The following AK5 variants were observed in gnomAD, a reference collection of about 807,000 sequenced individuals.
AK5 encodes adenylate kinase isoenzyme 5.
Under a neutral mutation model 69.5 loss-of-function variants are expected in AK5, and 27 were observed. That is an observed-to-expected ratio of 0.39 (90% CI 0.29 to 0.54). The LOEUF is 0.54. AK5 is among the 20% of genes least tolerant of loss of function. The probability of loss-of-function intolerance (pLI) is 0.71; values close to 1 mark genes in which losing one functional copy is unlikely to be tolerated. For missense variants in AK5, 531 were observed against 700.4 expected, an observed-to-expected ratio of 0.76 and a Z score of 2.73; for synonymous variants, 260 against 244.4, an observed-to-expected ratio of 1.06 and a Z score of -0.60.
At chr1:77,291,607 T>C (rs1658689787) in intron 2 of AK5, among the ~76,000 whole-genome samples, 1 of 152,142 alleles carries the variant, frequency 6.6e-6, no homozygotes, top group Non-Finnish European at 1.5e-5. Context: ...ACCCATTTTA[T>C]CTTCTGAGTT....
chr1:77,551,950 T>A (rs1222888317), intron 13 of AK5, among the ~76,000 whole-genome samples: 1 of 152,210 alleles, frequency 6.6e-6, no homozygotes, highest in Non-Finnish European at 1.5e-5. Flanking sequence ...TAGCTGGATG[T>A]TGACAAAGGT....
At chr1:77,337,301 G>A (rs912493654) in intron 5 of AK5, among the ~76,000 whole-genome samples, 2 of 152,148 alleles carry the variant, frequency 1.3e-5, no homozygotes, top group African/African-American at 2.4e-5. Context: ...CAAGCAAAGA[G>A]AAGCACTTAC....
chr1:77,510,594 T>C (rs964696371), intron 10 of AK5, among the ~76,000 whole-genome samples: 2 of 151,684 alleles, frequency 1.3e-5, no homozygotes, highest in Non-Finnish European at 2.9e-5. Context: ...ATATTTTCAT[T>C]TGGACTAGGG....
At chr1:77,398,545 G>T (rs1004459222) in intron 6 of AK5, among the ~76,000 whole-genome samples, 1 of 152,110 alleles carries the variant, frequency 6.6e-6, no homozygotes, top group South Asian at 2.1e-4. Context: ...AGGGGAAAAG[G>T]GTATGTTAAT....
intron 13 of AK5, among the ~76,000 whole-genome samples, chr1:77,553,433 C>T (rs571022841): frequency 1.4e-4 from 22 of 152,344 alleles, no homozygotes; most frequent in African/African-American, 5.1e-4. Flanking sequence ...TCCCACTACA[C>T]ATGTGCCTCA....
intron 8 of AK5, among the ~76,000 whole-genome samples, chr1:77,433,528 C>G: frequency 6.6e-6 from 1 of 152,124 alleles, no homozygotes; most frequent in East Asian, 1.9e-4. Context: ...ACCAATGTTT[C>G]CACTTGTATC....
intron 8 of AK5, among the ~76,000 whole-genome samples, chr1:77,456,943 G>A (rs1462566645): frequency 6.7e-6 from 1 of 150,354 alleles, no homozygotes; most frequent in African/African-American, 2.4e-5. Flanking sequence ...AAAAGTCAAT[G>A]GGAGGTACAT....
chr1:77,287,832 A>C (rs3921995), intron 2 of AK5, among the ~76,000 whole-genome samples: 6 of 152,160 alleles, frequency 3.9e-5, no homozygotes, highest in Admixed American at 3.9e-4. Context: ...CAGTTTGAAC[A>C]CTCAGCAGTG....
intron 13 of AK5, among the ~76,000 whole-genome samples, chr1:77,541,917 G>A (rs2100373457): frequency 6.6e-6 from 1 of 152,308 alleles, no homozygotes; most frequent in East Asian, 1.9e-4. Flanking sequence ...CAGGCAGCTG[G>A]GGTCACAGGG....
chr1:77,321,965 A>G (rs578230643), intron 5 of AK5, among the ~76,000 whole-genome samples: 163 of 152,348 alleles, frequency 1.1e-3, no homozygotes, highest in Middle Eastern at 3.4e-3. Context: ...TTTACTAATC[A>G]ATTGTATTTC....
At chr1:77,444,456 C>T (rs374574497) in intron 8 of AK5, among the ~76,000 whole-genome samples, 3,187 of 13,804 alleles carry the variant, frequency 0.23, 118 homozygotes, top group South Asian at 0.35. Flanking sequence ...ATAGTATATA[C>T]ATAGTATAAA....
intron 10 of AK5, among the ~76,000 whole-genome samples, chr1:77,512,225 A>G (rs536406202): frequency 6.6e-6 from 1 of 152,274 alleles, no homozygotes; most frequent in East Asian, 1.9e-4. Flanking sequence ...TCACATATAT[A>G]CGTATGTGTG....
chr1:77,392,230 T>C (rs1484387293), intron 6 of AK5, among the ~76,000 whole-genome samples: 1 of 152,250 alleles, frequency 6.6e-6, no homozygotes, highest in Non-Finnish European at 1.5e-5. Context: ...TTAAAATGGA[T>C]GTTAATTTTT....
intron 9 of AK5, among the ~76,000 whole-genome samples, chr1:77,485,813 G>A (rs1655552260): frequency 6.6e-6 from 1 of 152,164 alleles, no homozygotes; most frequent in South Asian, 2.1e-4. Context: ...CATTACCGGG[G>A]TGGGGGAATA....
intron 8 of AK5, among the ~76,000 whole-genome samples, chr1:77,440,949 A>T (rs540695647): frequency 6.6e-6 from 1 of 152,116 alleles, no homozygotes; most frequent in African/African-American, 2.4e-5. Context: ...GGGTTTCGCC[A>T]TGTTGGCCAG....
At chr1:77,306,071 T>C (rs1399210746) in intron 5 of AK5, among the ~76,000 whole-genome samples, 2 of 152,142 alleles carry the variant, frequency 1.3e-5, no homozygotes, top group East Asian at 3.9e-4. Flanking sequence ...CCTAGGTATT[T>C]AATTTTATGT....
chr1:77,503,944 G>C (rs1557640927), intron 10 of AK5, among the ~76,000 whole-genome samples: 1 of 151,328 alleles, frequency 6.6e-6, no homozygotes, highest in Non-Finnish European at 1.5e-5. Flanking sequence ...ATTTTTCACT[G>C]TTTAGTCTAG....
intron 8 of AK5, among the ~76,000 whole-genome samples, chr1:77,432,647 T>C (rs752166203): frequency 1.3e-5 from 2 of 152,242 alleles, no homozygotes; most frequent in Non-Finnish European, 2.9e-5. Context: ...ATGACATCTG[T>C]TGTTACTGTG....
chr1:77,297,911 A>T lies in AK5; in HGVS notation c.663A>T (p.Pro221=). The change falls in exon 5 of 14, where the codon CCA becomes CCT. Residue 221 remains proline, a synonymous_variant. Coordinates refer to ENST00000354567, the MANE Select transcript of AK5 (RefSeq NM_174858.3). ...AGGGCATTGTTATTGATGGATTTCC[A>T]AGAGATGTTGCCCAGGCTCTATCTT... is the stretch of plus-strand genomic sequence containing the variant. ...DEEGIVIDGF[P]RDVAQALSFE... The T allele has an allele frequency of 1.2e-6, 2 of 1,613,428 alleles. No individual in the cohort carries two copies. The highest frequency in any genetic ancestry group is 1.7e-6 in the Non-Finnish European group (2 of 1,179,734).
Sources: gnomAD v4.1 joint callset for allele counts (sites outside exome capture counted in the v4.1 genomes callset) on GRCh38, gnomAD v4.1.1 for gene constraint, MANE v1.5 for transcripts, NCBI Gene and HGNC (gene_info 2026-07-23, HGNC 2026-07-21) for gene names.